Variants in DPH6 observed in about 807,000 individuals in gnomAD.
DPH6 encodes the protein diphthine--ammonia ligase.
A neutral mutation model predicts 38.2 loss-of-function variants in DPH6; 33 were observed. That is an observed-to-expected ratio of 0.86 (90% confidence interval 0.65 to 1.15). The LOEUF is 1.15. Ranked by LOEUF, DPH6 falls within the 50% of genes most tolerant of loss-of-function variation. DPH6 has a pLI of 0.00. For missense variants in DPH6, 325 were observed against 320.0 expected, an observed-to-expected ratio of 1.02 and a Z score of -0.12; for synonymous variants, 108 against 103.0, an observed-to-expected ratio of 1.05 and a Z score of -0.30.
At chr15:35,476,286 C>A (rs1209387579) in intron 3 of DPH6, among the ~76,000 whole-genome samples, 1 of 151,720 alleles carries the variant, frequency 6.6e-6, no homozygotes, top group African/African-American at 2.4e-5. Context: ...GACTTCTTTG[C>A]ATGCCTATTT....
rs539249787 is a variant in DPH6 at position 35,506,620 on chromosome 15, C to T, written c.312+31654G>A. 1.6e-4 allele frequency among the ~76,000 whole-genome samples: 25 copies of T among 152,282 alleles called. No individual in the cohort carries two copies. The South Asian group carries it at 4.8e-3, about 29-fold the overall frequency. ...TGTGCTGGAATCTCCAATTTACACGCTTCTCTGCTTCACCTTCAGGATCCT... is the reference window on the plus strand; with the variant it reads ...TGTGCTGGAATCTCCAATTTACACGTTTCTCTGCTTCACCTTCAGGATCCT... On this transcript the variant is annotated intron_variant, in intron 3 of 8. Coordinates refer to ENST00000256538, the MANE Select transcript of DPH6 (RefSeq NM_080650.4).
At chr15:35,214,359 A>T (rs796498216), downstream of DPH6, among the ~76,000 whole-genome samples, 1 of 152,192 alleles carries the variant, frequency 6.6e-6, no homozygotes, top group Non-Finnish European at 1.5e-5. Flanking sequence ...TGAAACAGAG[A>T]TGATATACAG....
intron 3 of DPH6, among the ~76,000 whole-genome samples, chr15:35,345,918 A>G (rs72703135): frequency 0.01 from 1,546 of 152,128 alleles, 8 homozygotes; most frequent in Non-Finnish European, 0.015. Flanking sequence ...TGATAAAATT[A>G]TAACTTTTGG....
chr15:35,415,814 G>A (rs1359297634), intron 5 of DPH6, among the ~76,000 whole-genome samples: 2 of 151,912 alleles, frequency 1.3e-5, no homozygotes, highest in Admixed American at 6.6e-5. Context: ...AAACATTAGA[G>A]AAAAATTTTC....
chr15:35,167,631 C>T, the DPH6 span, among the ~76,000 whole-genome samples: 1 of 149,790 alleles, frequency 6.7e-6, no homozygotes. Flanking sequence ...CAATATCAGA[C>T]ATCTCGCAAT....
At chr15:35,524,815 A>G (rs1002107130) in intron 3 of DPH6, among the ~76,000 whole-genome samples, 1 of 152,186 alleles carries the variant, frequency 6.6e-6, no homozygotes, top group Non-Finnish European at 1.5e-5. Context: ...CAATCAATAT[A>G]AAGAGGAAAC....
the DPH6 span, among the ~76,000 whole-genome samples, chr15:35,171,507 ATTG>A: frequency 3.5e-4 from 54 of 152,350 alleles, 1 homozygote; most frequent in African/African-American, 1.3e-3. Flanking sequence ...TTAATTAATA[ATTG>A]TTGTCCGTAA....
chr15:35,536,845 G>A (rs758844107), intron 3 of DPH6, among the ~76,000 whole-genome samples: 14 of 152,014 alleles, frequency 9.2e-5, no homozygotes, highest in Non-Finnish European at 1.9e-4. Flanking sequence ...CCCTTTTGGA[G>A]ATATGACCAC....
At chr15:35,311,485 A>G (rs1360160362) in intron 3 of DPH6, among the ~76,000 whole-genome samples, 4 of 152,200 alleles carry the variant, frequency 2.6e-5, no homozygotes, top group South Asian at 2.1e-4. Flanking sequence ...ATTTGTCTAC[A>G]ATAAAGCTAA....
In DPH6 at chr15:35,304,520, C is replaced by G. The variant is rs190516827; in HGVS notation, n.200+69001G>C. Among the ~76,000 whole-genome samples the G allele has an allele frequency of 6.4e-4, 98 of 152,168 alleles. 1 individual carries two copies. The highest frequency in any genetic ancestry group is 2.3e-3 in the African/African-American group (95 of 41,568). On this transcript the variant is annotated intron_variant and non_coding_transcript_variant, in intron 3 of 3. Transcript: ENST00000560386. ...GGTACCTTTTTCATCTCTAAACTCTCTAATTCCGAGAAAACACCCTAAAGC... is the reference window on the plus strand; with the variant it reads ...GGTACCTTTTTCATCTCTAAACTCTGTAATTCCGAGAAAACACCCTAAAGC...
Position 35,275,497 on chromosome 15 carries a change from G to C in DPH6, n.201-54915C>G, listed in dbSNP as rs373035894. Among the ~76,000 whole-genome samples the C allele has an allele frequency of 7.9e-5, 12 of 152,192 alleles. No homozygotes were observed. In the East Asian group the frequency reaches 2.1e-3, roughly 27 times the overall value. On this transcript the variant is annotated intron_variant and non_coding_transcript_variant, in intron 3 of 3. Transcript: ENST00000560386. ...TTTTTCACACATAAGTGGGAGCTGA[G>C]CAATGAGAACACATGGACACAGGGA...
intron 3 of DPH6, among the ~76,000 whole-genome samples, chr15:35,463,172 A>G (rs2054086530): frequency 6.6e-6 from 1 of 152,148 alleles, no homozygotes; most frequent in East Asian, 1.9e-4. Flanking sequence ...AATTTGATAA[A>G]TACTCAGATT....
intron 3 of DPH6, among the ~76,000 whole-genome samples, chr15:35,235,337 T>G (rs2051543661): frequency 6.6e-6 from 1 of 152,220 alleles, no homozygotes; most frequent in Non-Finnish European, 1.5e-5. Flanking sequence ...GGCTGCACTG[T>G]GCCAGGCTTC....
At chr15:35,484,027 TA>T (rs941971143) in intron 3 of DPH6, among the ~76,000 whole-genome samples, 6 of 152,124 alleles carry the variant, frequency 3.9e-5, no homozygotes, top group African/African-American at 1.4e-4. Flanking sequence ...GGCATTGAGA[TA>T]TGTGAGCAAG....
At chr15:35,422,658 G>T (rs1404785071) in intron 5 of DPH6, among the ~76,000 whole-genome samples, 1 of 151,754 alleles carries the variant, frequency 6.6e-6, no homozygotes, top group Non-Finnish European at 1.5e-5. Flanking sequence ...TTGTACATTA[G>T]ATCTCCAGAA....
At chr15:35,393,305 G>A (rs1456229333) in intron 6 of DPH6, among the ~76,000 whole-genome samples, 1 of 152,120 alleles carries the variant, frequency 6.6e-6, no homozygotes, top group African/African-American at 2.4e-5. Context: ...AGAAAATGTA[G>A]TATCTCTTCC....
chr15:35,373,458 G>T, intron 8 of DPH6, 63 bp downstream of exon 8: 3 of 1,394,230 alleles, frequency 2.2e-6, no homozygotes, highest in Non-Finnish European at 2.0e-6. Flanking sequence ...AATTATATAT[G>T]CAAAGCCAAT....
At chr15:35,326,624 T>A (rs1459898934), downstream of DPH6, among the ~76,000 whole-genome samples, 1 of 151,936 alleles carries the variant, frequency 6.6e-6, no homozygotes, top group Non-Finnish European at 1.5e-5. Context: ...TTTGTAGAGA[T>A]AGGGTCTTGC....
chr15:35,494,829 G>A (rs970556874), intron 3 of DPH6, among the ~76,000 whole-genome samples: 1 of 151,304 alleles, frequency 6.6e-6, no homozygotes, highest in Non-Finnish European at 1.5e-5. Context: ...AACAATAAAT[G>A]AGTTACCTCA....
Sources: allele counts gnomAD v4.1 joint callset (sites outside exome capture counted in the v4.1 genomes callset), GRCh38; gene constraint gnomAD v4.1.1; transcripts MANE v1.5; gene names NCBI Gene and HGNC (gene_info 2026-07-23, HGNC 2026-07-21).